GALNT2: variants seen among roughly 807,000 people sequenced by gnomAD.
GALNT2 encodes the protein UDP-GalNAc:polypeptide N-acetylgalactosaminyltransferase 2.
In GALNT2, 31 loss-of-function variants were observed where a neutral mutation model predicts 81.4. That is an observed-to-expected ratio of 0.38 (90% CI 0.29 to 0.51). The LOEUF is 0.51. GALNT2 is among the 20% of genes least tolerant of loss of function. The pLI is 0.87. For synonymous variants in GALNT2, 303 were observed against 287.4 expected, an observed-to-expected ratio of 1.05 and a Z score of -0.55; for missense variants, 629 against 765.7, an observed-to-expected ratio of 0.82 and a Z score of 2.11.
chr1:230,057,958 C>T, upstream of GALNT2: 1 of 449,754 alleles, frequency 2.2e-6, no homozygotes, highest in Non-Finnish European at 4.5e-6. Context: ...CTCCTTTCCC[C>T]AGGACGAAGG....
chr1:230,153,806 G>A (rs1662164026), intron 1 of GALNT2, among the ~76,000 whole-genome samples: 1 of 152,188 alleles, frequency 6.6e-6, no homozygotes, highest in Non-Finnish European at 1.5e-5. Context: ...GCGTGGCCTC[G>A]GGGGCCCCTG....
chr1:230,186,018 AG>A (rs1455082196), intron 2 of GALNT2, among the ~76,000 whole-genome samples: 1 of 152,226 alleles, frequency 6.6e-6, no homozygotes, highest in Non-Finnish European at 1.5e-5. Context: ...TTTCTCCAAC[AG>A]ATCCAAGGCA....
intron 1 of GALNT2, among the ~76,000 whole-genome samples, chr1:230,090,191 T>C (rs1273379404): frequency 1.3e-5 from 2 of 152,224 alleles, no homozygotes; most frequent in African/African-American, 4.8e-5. Flanking sequence ...ATAGAATGAA[T>C]GTAATTTCCA....
intron 1 of GALNT2, among the ~76,000 whole-genome samples, chr1:230,091,365 T>C (rs1484918199): frequency 6.6e-6 from 1 of 152,080 alleles, no homozygotes; most frequent in Non-Finnish European, 1.5e-5. Context: ...TGAGCCATTG[T>C]GCCCGGTCCT....
In GALNT2 at chr1:230,275,068, A is replaced by G. The variant is rs375023552; in HGVS notation, c.1560+504A>G. Among the ~76,000 whole-genome samples the G allele has an allele frequency of 0.062, 9,243 of 148,878 alleles. 363 individuals carry two copies. The highest frequency in any genetic ancestry group is 0.096 in the South Asian group (460 of 4,772). On this transcript the variant is annotated intron_variant, in intron 15 of 15. Coordinates refer to ENST00000366672, the MANE Select transcript of GALNT2 (RefSeq NM_004481.5). The surrounding 1 kb of genome is among the most constrained non-coding windows in gnomAD (Gnocchi z 5.5). Reference sequence around the variant, plus strand: ...ATATATACATGCCACATATATACGTATATATATACACACCACATATATATA... The same window carrying G: ...ATATATACATGCCACATATATACGTGTATATATACACACCACATATATATA...
chr1:230,127,461 C>T (rs570355713), intron 1 of GALNT2, among the ~76,000 whole-genome samples: 7 of 152,174 alleles, frequency 4.6e-5, no homozygotes, highest in Middle Eastern at 3.4e-3. Context: ...CTGCAACCTC[C>T]GCCTCCTGGG....
intron 2 of GALNT2, among the ~76,000 whole-genome samples, chr1:230,198,236 G>A (rs1663768084): frequency 6.6e-6 from 1 of 152,216 alleles, no homozygotes; most frequent in East Asian, 1.9e-4. Context: ...TGCGGGCGAG[G>A]CTGAGTCTGT....
chr1:230,177,219 C>T (rs1157626306), intron 1 of GALNT2, among the ~76,000 whole-genome samples: 2 of 152,276 alleles, frequency 1.3e-5, no homozygotes, highest in Non-Finnish European at 1.5e-5. Flanking sequence ...AGAACCAAAA[C>T]GTCTCCAGTG....
chr1:230,252,549 C>T (rs953224121), intron 10 of GALNT2, among the ~76,000 whole-genome samples: 2 of 152,162 alleles, frequency 1.3e-5, no homozygotes, highest in African/African-American at 4.8e-5. Flanking sequence ...GAGGTCATGA[C>T]ACCTTGCCCA....
At chr1:230,172,881 A>G (rs1252469702) in intron 1 of GALNT2, among the ~76,000 whole-genome samples, 1 of 152,156 alleles carries the variant, frequency 6.6e-6, no homozygotes, top group Non-Finnish European at 1.5e-5. Context: ...TGTCATTGCT[A>G]TTTTATGTAC....
intron 7 of GALNT2, among the ~76,000 whole-genome samples, chr1:230,244,714 T>C (rs1665311894): frequency 6.6e-6 from 1 of 152,180 alleles, no homozygotes; most frequent in Non-Finnish European, 1.5e-5. Flanking sequence ...GTAAAGTAGA[T>C]TATATCCTTT....
rs1426520461 is a variant in GALNT2 at position 230,243,472 on chromosome 1, G to A, written c.729+45G>A. 1.2e-6 allele frequency: 2 copies of A among 1,601,222 alleles called. No homozygotes were observed. The highest frequency in any genetic ancestry group is 1.7e-5 in the Admixed American group (1 of 59,506). On this transcript the variant is annotated intron_variant, in intron 7 of 15. Coordinates refer to ENST00000366672, the MANE Select transcript of GALNT2 (RefSeq NM_004481.5). The surrounding 1 kb of genome is among the most constrained non-coding windows in gnomAD (Gnocchi z 4.2). The stretch of plus-strand genomic sequence containing the variant: ...GAGGGGTGTCAGGTCGTGGGTGGTT[G>A]GTAGAGGGGACAGAAGGGAGCATGG...
intron 1 of GALNT2, among the ~76,000 whole-genome samples, chr1:230,097,145 A>G (rs986421649): frequency 6.6e-6 from 1 of 152,180 alleles, no homozygotes. Flanking sequence ...AAAACTGTCA[A>G]TCCAGATTGT....
chr1:230,090,184 G>A (rs16850882), intron 1 of GALNT2, among the ~76,000 whole-genome samples: 2 of 152,164 alleles, frequency 1.3e-5, no homozygotes, highest in Admixed American at 1.3e-4. Flanking sequence ...CACCAAGATA[G>A]AATGAATGTA....
chr1:230,241,785 A>G (rs1256157476), intron 6 of GALNT2, among the ~76,000 whole-genome samples: 2 of 152,168 alleles, frequency 1.3e-5, no homozygotes, highest in South Asian at 2.1e-4. Flanking sequence ...CTTGATACAT[A>G]GTCTATATTC....
chr1:230,226,986 A>T (rs1379664422), intron 3 of GALNT2, among the ~76,000 whole-genome samples: 1 of 152,228 alleles, frequency 6.6e-6, no homozygotes, highest in Non-Finnish European at 1.5e-5. Context: ...ATCTTTAAAA[A>T]ATATAAATCT....
intron 14 of GALNT2, among the ~76,000 whole-genome samples, chr1:230,272,084 T>G (rs890161753): frequency 6.6e-6 from 1 of 152,208 alleles, no homozygotes; most frequent in Admixed American, 6.5e-5. Context: ...AAGATGCTCC[T>G]AAAACCCCTG....
At chr1:230,200,166 G>A (rs773500399) in intron 2 of GALNT2, among the ~76,000 whole-genome samples, 42 of 149,268 alleles carry the variant, frequency 2.8e-4, no homozygotes, top group Admixed American at 1.2e-3. Context: ...AGGTTCAAAC[G>A]ATTCTCCTGC....
In GALNT2 at chr1:230,058,157, T is replaced by C. The variant is rs142807118; in HGVS notation, n.89+79T>C. ...GGGGCGTCTTTAACCATGAGTCTCC[T>C]TTCCTAGCACTCCTGACACTGGCCT... On this transcript the variant is annotated intron_variant and non_coding_transcript_variant, in intron 1 of 6. Coordinates refer to the GALNT2 transcript ENST00000494106. 3.5e-5 allele frequency: 16 copies of C among 455,126 alleles called. No homozygotes were observed. In the East Asian group the frequency reaches 1.1e-3, roughly 32 times the overall value. The allele number at this position is 455,126 out of a possible 1,614,324, so 28.2% of individuals were successfully genotyped here. A position where few individuals can be genotyped will look rare whatever the true frequency, so the allele number is the denominator to read the frequency against.
Sources: gnomAD v4.1 joint callset for allele counts (sites outside exome capture counted in the v4.1 genomes callset) on GRCh38, gnomAD v4.1.1 for gene constraint, Gnocchi (gnomAD v3.1) non-coding constraint, MANE v1.5 for transcripts, NCBI Gene and HGNC (gene_info 2026-07-23, HGNC 2026-07-21) for gene names.